The following AGBL1 variants were observed in gnomAD, a reference collection of about 807,000 sequenced individuals.
AGBL1 encodes cytosolic carboxypeptidase 4.
AGBL1 carries 130 observed loss-of-function variants against 118.9 expected under a neutral mutation model. That is an observed-to-expected ratio of 1.09 (90% confidence interval 0.95 to 1.26). The LOEUF is 1.26. Ranked by LOEUF, AGBL1 falls within the 50% of genes most tolerant of loss-of-function variation. AGBL1 has a pLI of 0.00. For synonymous variants in AGBL1, 555 were observed against 478.9 expected, an observed-to-expected ratio of 1.16 and a Z score of -2.08; for missense variants, 1,584 against 1,298.1, an observed-to-expected ratio of 1.22 and a Z score of -3.38.
At chr15:86,785,519 C>T (rs1010968281) in intron 22 of AGBL1, among the ~76,000 whole-genome samples, 19 of 151,810 alleles carry the variant, frequency 1.3e-4, no homozygotes, top group African/African-American at 3.6e-4. Flanking sequence ...GGACTACAGG[C>T]GCACATCACC....
At chr15:86,817,522 TAC>T (rs145360496) in intron 22 of AGBL1, among the ~76,000 whole-genome samples, 8,439 of 93,228 alleles carry the variant, frequency 0.091, 344 homozygotes, top group East Asian at 0.23. Context: ...GAGACAGGCA[TAC>T]ACACACACAC....
intron 18 of AGBL1, among the ~76,000 whole-genome samples, chr15:86,465,831 A>G (rs559723928): frequency 1.1e-4 from 17 of 152,230 alleles, no homozygotes; most frequent in African/African-American, 3.9e-4. Context: ...CAGTAATTCT[A>G]CTTTCACCCT....
intron 22 of AGBL1, among the ~76,000 whole-genome samples, chr15:86,846,090 T>C (rs564233565): frequency 5.9e-5 from 9 of 152,364 alleles, no homozygotes; most frequent in African/African-American, 2.2e-4. Context: ...CAATTACACA[T>C]ATACTTAGAT....
At chr15:86,533,632 A>C (rs936363268) in intron 19 of AGBL1, among the ~76,000 whole-genome samples, 1 of 135,650 alleles carries the variant, frequency 7.4e-6, no homozygotes, top group African/African-American at 3.1e-5. Flanking sequence ...AAATGACTAT[A>C]AATCATGCTG....
chr15:86,635,297 C>A (rs112928883), intron 21 of AGBL1, among the ~76,000 whole-genome samples: 1 of 12,180 alleles, frequency 8.2e-5, no homozygotes, highest in African/African-American at 2.5e-4. Flanking sequence ...CCCCCTCCCC[C>A]TCCCCTCCTC....
chr15:86,206,096 A>C (rs1476075684), intron 5 of AGBL1, among the ~76,000 whole-genome samples: 1 of 152,054 alleles, frequency 6.6e-6, no homozygotes, highest in African/African-American at 2.4e-5. Context: ...GTTTGCTCAG[A>C]ATGATGGTTT....
chr15:86,238,391 G>A (rs1426553485), intron 6 of AGBL1, among the ~76,000 whole-genome samples: 1 of 152,184 alleles, frequency 6.6e-6, no homozygotes, highest in African/African-American at 2.4e-5. Context: ...TTGGGTGTGT[G>A]AACATGGTTT....
chr15:86,483,688 A>C (rs1307726635), intron 18 of AGBL1, among the ~76,000 whole-genome samples: 6 of 152,160 alleles, frequency 3.9e-5, no homozygotes, highest in Admixed American at 3.9e-4. Flanking sequence ...TCATTGCCTG[A>C]GAAACACAAT....
intron 18 of AGBL1, among the ~76,000 whole-genome samples, chr15:86,449,819 C>G (rs78193380): frequency 6.6e-6 from 1 of 152,264 alleles, no homozygotes; most frequent in Admixed American, 6.5e-5. Flanking sequence ...GACTGAGGAA[C>G]GGCATGTCCA....
intron 24 of AGBL1, among the ~76,000 whole-genome samples, chr15:87,016,609 A>G (rs1300267449): frequency 6.6e-6 from 1 of 152,232 alleles, no homozygotes; most frequent in Non-Finnish European, 1.5e-5. Context: ...GAAAATGGCA[A>G]GTGAATTCAG....
chr15:86,684,945 A>AT (rs1438553788), intron 22 of AGBL1, among the ~76,000 whole-genome samples: 1 of 152,154 alleles, frequency 6.6e-6, no homozygotes, highest in Non-Finnish European at 1.5e-5. Flanking sequence ...ATTAAATTTT[A>AT]TTTTTATGTT....
At chr15:86,148,862 A>C (rs993431873) in intron 3 of AGBL1, among the ~76,000 whole-genome samples, 2 of 152,222 alleles carry the variant, frequency 1.3e-5, no homozygotes, top group Non-Finnish European at 1.5e-5. Flanking sequence ...AAAAAGTGTT[A>C]AGGACAGCCA....
At chr15:86,370,278 C>G (rs888961298) in intron 17 of AGBL1, among the ~76,000 whole-genome samples, 21 of 151,576 alleles carry the variant, frequency 1.4e-4, no homozygotes, top group Non-Finnish European at 2.8e-4. Flanking sequence ...ACCTAGTAAG[C>G]CTCATTCCCA....
At chr15:86,669,678 A>G (rs1248078861) in intron 21 of AGBL1, among the ~76,000 whole-genome samples, 1 of 152,230 alleles carries the variant, frequency 6.6e-6, no homozygotes, top group Non-Finnish European at 1.5e-5. Context: ...GTAGGCATAT[A>G]TAACTTTTAA....
chr15:86,455,942 C>T (rs891640), intron 18 of AGBL1, among the ~76,000 whole-genome samples: 74,303 of 151,976 alleles, frequency 0.49, 18,986 homozygotes, highest in Middle Eastern at 0.64. Context: ...ATCCATCCAT[C>T]GTTCCATCCC....
chr15:86,142,118 G>T (rs1309254798), intron 2 of AGBL1, 51 bp downstream of exon 2: 1 of 1,531,814 alleles, frequency 6.5e-7, no homozygotes, highest in African/African-American at 1.4e-5. Context: ...GGAGCCTGCT[G>T]GCTGTGATCT....
intron 19 of AGBL1, among the ~76,000 whole-genome samples, chr15:86,538,458 G>A (rs538066267): frequency 9.8e-5 from 15 of 152,294 alleles, no homozygotes; most frequent in African/African-American, 3.6e-4. Flanking sequence ...TTGGCCTCTT[G>A]GAAGGTAGCT....
chr15:86,299,457 GA>G (rs2079711776), intron 17 of AGBL1, among the ~76,000 whole-genome samples: 1 of 152,140 alleles, frequency 6.6e-6, no homozygotes, highest in Non-Finnish European at 1.5e-5. Flanking sequence ...GATGTCAAAG[GA>G]AGCCAGGCAG....
intron 6 of AGBL1, among the ~76,000 whole-genome samples, chr15:86,241,508 G>A (rs942883911): frequency 6.6e-6 from 1 of 152,118 alleles, no homozygotes; most frequent in Non-Finnish European, 1.5e-5. Context: ...CTAGGTAACT[G>A]ATAAAGAATT....
Sources: gnomAD v4.1 joint callset for allele counts (sites outside exome capture counted in the v4.1 genomes callset) on GRCh38, gnomAD v4.1.1 for gene constraint, MANE v1.5 for transcripts, NCBI Gene and HGNC (gene_info 2026-07-23, HGNC 2026-07-21) for gene names.